Variants in MAPK10 observed in about 807,000 individuals in gnomAD.
MAPK10 encodes JNK3 alpha protein kinase.
A neutral mutation model predicts 59.3 loss-of-function variants in MAPK10; 25 were observed. The ratio of observed to expected loss-of-function variants is 0.42; its 90% CI spans 0.31 to 0.59. The LOEUF is 0.59. Among genes scored for constraint, MAPK10 ranks in the 20% least tolerant of loss-of-function variants. The probability of loss-of-function intolerance (pLI) is 0.15; values close to 1 mark genes in which losing one functional copy is unlikely to be tolerated. For synonymous variants in MAPK10, 190 were observed against 200.5 expected, an observed-to-expected ratio of 0.95 and a Z score of 0.44; for missense variants, 351 against 568.9, an observed-to-expected ratio of 0.62 and a Z score of 3.90.
intron 1 of MAPK10, among the ~76,000 whole-genome samples, chr4:86,510,265 C>A (rs1353342000): frequency 2.0e-5 from 3 of 151,640 alleles, no homozygotes; most frequent in Non-Finnish European, 4.4e-5. Context: ...GGTATGTACC[C>A]CCATGCCTGG....
At chr4:86,537,095 C>T (rs1488092022) in intron 1 of MAPK10, among the ~76,000 whole-genome samples, 1 of 152,170 alleles carries the variant, frequency 6.6e-6, no homozygotes, top group East Asian at 1.9e-4. Flanking sequence ...AGAGGGAATA[C>T]ACACAATGGC....
At chr4:86,381,558 T>C (rs1429687758) in intron 1 of MAPK10, among the ~76,000 whole-genome samples, 1 of 152,166 alleles carries the variant, frequency 6.6e-6, no homozygotes, top group Non-Finnish European at 1.5e-5. Context: ...TGCAGGATAC[T>C]GGAAGGCAGG....
At chr4:86,092,446 T>C (rs534280538) in intron 9 of MAPK10, among the ~76,000 whole-genome samples, 5 of 152,188 alleles carry the variant, frequency 3.3e-5, no homozygotes, top group Admixed American at 1.3e-4. Context: ...GATAAACTCA[T>C]TGTACCAAAC....
chr4:86,372,594 A>AAAAGAAAAGG (rs1315879759), intron 1 of MAPK10, among the ~76,000 whole-genome samples: 1 of 151,656 alleles, frequency 6.6e-6, no homozygotes, highest in African/African-American at 2.4e-5. Context: ...AAAAGAAAAG[A>AAAAGAAAAGG]AAAGGAAAGA....
At chr4:86,245,255 A>G (rs1231238648) in intron 2 of MAPK10, among the ~76,000 whole-genome samples, 1 of 152,004 alleles carries the variant, frequency 6.6e-6, no homozygotes, top group Non-Finnish European at 1.5e-5. Context: ...GCTGAGCCCA[A>G]CTGTATACAT....
intron 4 of MAPK10, chr4:86,124,108 T>A (rs1418285515): frequency 1.3e-5 from 2 of 151,976 alleles, no homozygotes; most frequent in Non-Finnish European, 2.9e-5. Flanking sequence ...TTACTTATTT[T>A]TTCAGTGATA....
intron 1 of MAPK10, among the ~76,000 whole-genome samples, chr4:86,487,717 C>T (rs1040307488): frequency 6.6e-5 from 9 of 135,836 alleles, no homozygotes; most frequent in Middle Eastern, 4.3e-3. Flanking sequence ...GGCAACAGCA[C>T]GAGACTCTGT....
At chr4:86,167,638 G>A (rs369343381) in intron 3 of MAPK10, among the ~76,000 whole-genome samples, 1 of 152,166 alleles carries the variant, frequency 6.6e-6, no homozygotes, top group African/African-American at 2.4e-5. Flanking sequence ...CTCAATAGAT[G>A]CAGAAAAGGC....
intron 2 of MAPK10, among the ~76,000 whole-genome samples, chr4:86,227,480 C>A (rs1354626819): frequency 1.0e-4 from 14 of 136,596 alleles, no homozygotes; most frequent in African/African-American, 3.9e-4. Context: ...GAGCGAGACT[C>A]CCTCTAAAAA....
intron 2 of MAPK10, among the ~76,000 whole-genome samples, chr4:86,304,925 C>T (rs1210863931): frequency 6.6e-6 from 1 of 152,088 alleles, no homozygotes; most frequent in Non-Finnish European, 1.5e-5. Flanking sequence ...GAGAGACCAC[C>T]TATTTTTTAG....
At chr4:86,099,389 C>T (rs940397706) in intron 8 of MAPK10, 1 of 152,216 alleles carries the variant, frequency 6.6e-6, no homozygotes. Flanking sequence ...TTTGCCTTCT[C>T]TTACCAATCT....
At chr4:86,210,629 T>G (rs1368928717) in intron 2 of MAPK10, among the ~76,000 whole-genome samples, 2 of 151,898 alleles carry the variant, frequency 1.3e-5, no homozygotes, top group African/African-American at 2.4e-5. Flanking sequence ...CTATGTCTCA[T>G]GTACTCATGA....
At chr4:86,345,061 A>G (rs1242041724) in intron 2 of MAPK10, among the ~76,000 whole-genome samples, 3 of 152,204 alleles carry the variant, frequency 2.0e-5, no homozygotes, top group South Asian at 2.1e-4. Flanking sequence ...TATAGCTAAA[A>G]TATCTTATTT....
At chr4:86,146,492 T>C (rs2065038673) in intron 4 of MAPK10, among the ~76,000 whole-genome samples, 1 of 152,160 alleles carries the variant, frequency 6.6e-6, no homozygotes, top group African/African-American at 2.4e-5. Context: ...ACAGCTCAAC[T>C]AGATGACATT....
At position 86,058,209 on chromosome 4, in the gene MAPK10, T is replaced by A. The variant is rs1032676781; in HGVS notation, c.1110+6057A>T. 8.0e-5 allele frequency among the ~76,000 whole-genome samples: 12 copies of A among 149,732 alleles called. 1 individual carries two copies. Among genetic ancestry groups the A allele is most frequent in the African/African-American group, 2.8e-4 (11 of 39,860 alleles). ...TGAGTACCTCTTCTAACATCTAAAG[T>A]CTTCTCCTCTCCAGAGGAATTGTGC... On this transcript the variant is annotated intron_variant, in intron 11 of 13. Transcript: ENST00000641462.
chr4:86,432,292 G>A (rs983650229), intron 1 of MAPK10, among the ~76,000 whole-genome samples: 1 of 152,058 alleles, frequency 6.6e-6, no homozygotes, highest in African/African-American at 2.4e-5. Flanking sequence ...TGTTTTGTTT[G>A]GAGATGGAAT....
chr4:86,264,346 T>G (rs950775524), intron 2 of MAPK10, among the ~76,000 whole-genome samples: 2 of 151,982 alleles, frequency 1.3e-5, no homozygotes, highest in African/African-American at 4.8e-5. Context: ...ATTCACAGAG[T>G]TAAAAAAACC....
intron 1 of MAPK10, among the ~76,000 whole-genome samples, chr4:86,501,132 A>AAAC (rs1755288457): frequency 6.8e-6 from 1 of 147,908 alleles, no homozygotes; most frequent in Non-Finnish European, 1.5e-5. Context: ...AAAAAAAAAA[A>AAAC]AAAAAAAACT....
At chr4:86,468,429 T>A (rs1752390416) in intron 1 of MAPK10, among the ~76,000 whole-genome samples, 1 of 152,256 alleles carries the variant, frequency 6.6e-6, no homozygotes, top group Non-Finnish European at 1.5e-5. Context: ...GGTATAGGCA[T>A]ACTTTTATGC....
Sources: allele counts gnomAD v4.1 joint callset (sites outside exome capture counted in the v4.1 genomes callset), GRCh38; gene constraint gnomAD v4.1.1; transcripts MANE v1.5; gene names NCBI Gene and HGNC (gene_info 2026-07-23, HGNC 2026-07-21).